The following TRIM65 variants were observed in gnomAD, a reference collection of about 807,000 sequenced individuals.
TRIM65 encodes E3 ubiquitin-protein ligase TRIM65.
Under a neutral mutation model 36.1 loss-of-function variants are expected in TRIM65, and 46 were observed. The observed-to-expected ratio is 1.27, with a 90% confidence interval of 1.01 to 1.63. TRIM65 has a LOEUF of 1.63. TRIM65 is among the 40% of genes most tolerant of loss of function. TRIM65 has a pLI of 0.00. For synonymous variants in TRIM65, 346 were observed against 313.6 expected (o/e 1.10, Z -1.09); for missense variants, 708 against 696.6 (o/e 1.02, Z -0.18).
chr17:75,880,206 G>A (rs938435136), downstream of TRIM65: 1 of 150,960 alleles, frequency 6.6e-6, no homozygotes, highest in East Asian at 1.9e-4. Flanking sequence ...ACTCTGTCCT[G>A]GGCGTCTGTC....
rs1448426524 is a variant in TRIM65 at position 75,892,302 on chromosome 17, G to A, written c.709C>T (p.Leu237Phe). 19 of 1,612,564 alleles carry A rather than the reference G, an allele frequency of 1.2e-5. No homozygotes were observed. Among genetic ancestry groups the A allele is most frequent in the Non-Finnish European group, 1.6e-5 (19 of 1,179,838 alleles). The change falls in exon 3 of 6, where the codon CTC becomes TTC. Residue 237 changes from leucine to phenylalanine, a missense_variant. Physicochemically the swap from Leu to Phe is conservative, Grantham distance 22 (BLOSUM62 0). Transcript: ENST00000269383. ...VARHGCRIRELLEQVDEQTFL... is the reference protein window; with the variant it reads ...VARHGCRIREFLEQVDEQTFL... ...GTCTGCTCATCCACCTGCTCCAGGAGCTCCCGGATCCTGCAGCCATGGCGA... is the reference window on the plus strand; with the variant it reads ...GTCTGCTCATCCACCTGCTCCAGGAACTCCCGGATCCTGCAGCCATGGCGA...
rs2065232213 is a variant in TRIM65, at chr17:75,889,009, T to C, written c.*1770A>G. The C allele has an allele frequency of 1.3e-5, 2 of 151,804 alleles. No individual in the cohort carries two copies. Among genetic ancestry groups the C allele is most frequent in the Non-Finnish European group, 2.9e-5 (2 of 67,966 alleles). The allele number at this position is 151,804 out of a possible 1,614,324, so 9.4% of individuals were successfully genotyped here. ...TGAAATATTTATCCATGAGTACATA[T>C]AACATAGATGTCCAGTTTTTCAAGT... On this transcript the variant is annotated 3_prime_UTR_variant, in exon 6 of 6. Coordinates refer to ENST00000269383, the MANE Select transcript of TRIM65 (RefSeq NM_173547.4).
chr17:75,882,353 A>C (rs2065174004), intron 4 of TRIM65, among the ~76,000 whole-genome samples: 1 of 150,474 alleles, frequency 6.6e-6, no homozygotes, highest in Non-Finnish European at 1.5e-5. Flanking sequence ...GATTACAGGC[A>C]TGCATCACCA....
chr17:75,885,225 C>T (rs2065198714), downstream of TRIM65, among the ~76,000 whole-genome samples: 1 of 152,176 alleles, frequency 6.6e-6, no homozygotes, highest in Non-Finnish European at 1.5e-5. Flanking sequence ...TGTGTCCAGC[C>T]CCAGGTTCCC....
chr17:75,888,956 C>A (rs868729809), downstream of TRIM65: 4 of 151,348 alleles, frequency 2.6e-5, no homozygotes, highest in African/African-American at 9.7e-5. Flanking sequence ...GTATATTACA[C>A]GTATTATCCT....
At chr17:75,891,638 G>A (rs530069688) in intron 5 of TRIM65, among the ~76,000 whole-genome samples, 175 bp downstream of exon 5, 2 of 152,202 alleles carry the variant, frequency 1.3e-5, no homozygotes, top group East Asian at 1.9e-4. Context: ...GGATGTGCAC[G>A]AGGTGTGCAG....
At chr17:75,885,948 G>A (rs113756377), downstream of TRIM65, among the ~76,000 whole-genome samples, 2,008 of 152,256 alleles carry the variant, frequency 0.013, 54 homozygotes, top group African/African-American at 0.046. Context: ...GTTTGGCTGT[G>A]TCCCCACCCA....
intron 2 of TRIM65, 114 bp from the exon 3 acceptor site, chr17:75,892,614 C>T: frequency 8.2e-7 from 1 of 1,226,522 alleles, no homozygotes; most frequent in Non-Finnish European, 1.1e-6. Flanking sequence ...GAGGCAGGGT[C>T]CCGGGAACCT....
intron 1 of TRIM65, among the ~76,000 whole-genome samples, chr17:75,895,751 C>T (rs2065336844): frequency 6.6e-6 from 1 of 152,206 alleles, no homozygotes; most frequent in Admixed American, 6.5e-5. Context: ...AATACATTCA[C>T]GCCTTACTGG....
At chr17:75,880,118 CT>C (rs2065160298), downstream of TRIM65, among the ~76,000 whole-genome samples, 1 of 150,706 alleles carries the variant, frequency 6.6e-6, no homozygotes, top group South Asian at 2.1e-4. Context: ...GGTGTATTCT[CT>C]CCATTTGGAA....
downstream of TRIM65, among the ~76,000 whole-genome samples, chr17:75,888,427 C>G (rs1301964595): frequency 1.3e-5 from 2 of 151,674 alleles, no homozygotes; most frequent in Non-Finnish European, 2.9e-5. Context: ...ATAGAAAGAA[C>G]CACCACCCAA....
intron 1 of TRIM65, 95 bp downstream of exon 1, chr17:75,896,429 T>C: frequency 8.2e-7 from 1 of 1,221,904 alleles, no homozygotes; most frequent in South Asian, 3.6e-5. Context: ...CCCCGCCGGG[T>C]GCCCGAGAGA....
In TRIM65 at chr17:75,892,006, C is replaced by G; in HGVS notation, c.919+5G>C. 1 of 1,552,494 alleles carries G rather than the reference C, an allele frequency of 6.4e-7. No homozygotes were observed. Among genetic ancestry groups the G allele is most frequent in the African/African-American group, 1.4e-5 (1 of 73,218 alleles). ...CAGCAGGGGGAGGCCTGGGGTCAGT[C>G]TTACCCACGGGGGCTAAGTCCACAG... On this transcript the variant is annotated splice_donor_5th_base_variant and intron_variant, in intron 4 of 5. Transcript: ENST00000269383.
chr17:75,891,848 C>T lies in TRIM65; in HGVS notation c.950G>A (p.Ser317Asn), dbSNP rs142471083. ...TTTCCTCCTCAGTGGACAAACTGTG[C>T]TTGGGACCGGTGCCAGGGGACCTGG... ...EAPGPLAPVP[S>N]TVCPLRRKLW... The change falls in exon 5 of 6, where the codon AGC (serine) becomes AAC (asparagine). Residue 317 changes from serine to asparagine, a missense_variant. Coordinates refer to ENST00000269383, the MANE Select transcript of TRIM65 (RefSeq NM_173547.4). 5.6e-6 allele frequency: 9 copies of T among 1,612,720 alleles called. No homozygotes were observed. The highest frequency in any genetic ancestry group is 1.6e-4 in the Middle Eastern group (1 of 6,074).
In TRIM65 at chr17:75,890,614, C is replaced by CA. The variant is rs1475947953; in HGVS notation, c.*164dup. ...GACTGTGTCCCCTTCAAAAAGGCTG[C>CA]AACAGTGAACTCTGCGTTTATGCTC... On this transcript the variant is annotated 3_prime_UTR_variant, in exon 6 of 6. Transcript: ENST00000269383. 1.0e-5 allele frequency: 6 copies of CA among 592,852 alleles called. No individual in the cohort carries two copies. The highest frequency in any genetic ancestry group is 1.4e-5 in the Non-Finnish European group (5 of 357,606). 36.7% of individuals were successfully genotyped at this position (592,852 alleles called of 1,614,324 possible).
chr17:75,879,619 ATAAG>A (rs2065157349), downstream of TRIM65: 1 of 150,998 alleles, frequency 6.6e-6, no homozygotes, highest in Non-Finnish European at 1.5e-5. Context: ...TGACAACAAA[ATAAG>A]TAAAGTAGCA....
Position 75,892,518 on chromosome 17 carries a change from G to A in TRIM65, c.511-18C>T, listed in dbSNP as rs2065286747. On this transcript the variant is annotated intron_variant, in intron 2 of 5. Coordinates refer to ENST00000269383, the MANE Select transcript of TRIM65 (RefSeq NM_173547.4). ...GCCGAGTTCTGGGCGGGAACAGGAG[G>A]GGCTTCAGGGTGGCCAGGGCCCTGT... The A allele has an allele frequency of 6.2e-7, 1 of 1,607,220 alleles. No homozygotes were observed.
intron 4 of TRIM65, among the ~76,000 whole-genome samples, chr17:75,882,368 C>T (rs1364401760): frequency 6.6e-6 from 1 of 150,472 alleles, no homozygotes; most frequent in Non-Finnish European, 1.5e-5. Flanking sequence ...TCACCACGCT[C>T]GGCTAAATTT....
At position 75,890,532 on chromosome 17, in the gene TRIM65, C is replaced by G. The variant is rs1273042746; in HGVS notation, c.*247G>C. 4 of 418,614 alleles carry G rather than the reference C, an allele frequency of 9.6e-6. No homozygotes were observed. Among genetic ancestry groups the G allele is most frequent in the Non-Finnish European group, 1.7e-5 (4 of 238,740 alleles). 25.9% of individuals were successfully genotyped at this position (418,614 alleles called of 1,614,324 possible). ...ACTGCTCTCGCCTCCCAGGCCCAGA[C>G]AGTACCTAGAACTGGGTTCTCTCTG... On this transcript the variant is annotated 3_prime_UTR_variant, in exon 6 of 6. Coordinates refer to ENST00000269383, the MANE Select transcript of TRIM65 (RefSeq NM_173547.4).
Sources: gnomAD v4.1 joint callset for allele counts (sites outside exome capture counted in the v4.1 genomes callset) on GRCh38, gnomAD v4.1.1 for gene constraint, MANE v1.5 for transcripts, NCBI Gene and HGNC (gene_info 2026-07-23, HGNC 2026-07-21) for gene names.